The following SLC4A10 variants were observed in gnomAD, a reference collection of about 807,000 sequenced individuals.
SLC4A10 encodes sodium-driven chloride bicarbonate exchanger.
SLC4A10 carries 42 observed loss-of-function variants against 137.7 expected under a neutral mutation model. The ratio of observed to expected loss-of-function variants is 0.30; its 90% CI spans 0.24 to 0.39. The LOEUF (loss-of-function observed/expected upper bound fraction) is 0.39. Ranked by LOEUF, SLC4A10 falls within the 10% of genes least tolerant of loss-of-function variation. The probability of loss-of-function intolerance (pLI) is 1.00; values close to 1 mark genes in which losing one functional copy is unlikely to be tolerated. For synonymous variants in SLC4A10, 474 were observed against 464.1 expected, an observed-to-expected ratio of 1.02 and a Z score of -0.27; for missense variants, 925 against 1,355.0, an observed-to-expected ratio of 0.68 and a Z score of 4.98.
intron 1 of SLC4A10, among the ~76,000 whole-genome samples, chr2:161,718,314 G>C (rs1286953145): frequency 2.6e-5 from 4 of 151,724 alleles, no homozygotes. Flanking sequence ...CTCTGATCTT[G>C]CTTATTTCTT....
chr2:161,633,974 C>G (rs1193422408), intron 1 of SLC4A10, among the ~76,000 whole-genome samples: 4 of 151,724 alleles, frequency 2.6e-5, no homozygotes, highest in African/African-American at 9.7e-5. Flanking sequence ...TTTTCATCCA[C>G]CTTGCCTTAA....
chr2:161,778,292 TC>T (rs2052615394), intron 2 of SLC4A10, among the ~76,000 whole-genome samples: 1 of 151,972 alleles, frequency 6.6e-6, no homozygotes, highest in Admixed American at 6.6e-5. Context: ...CTATCATTTT[TC>T]CCCAGATAAT....
chr2:161,878,722 A>G (rs1473052191), intron 8 of SLC4A10, among the ~76,000 whole-genome samples: 1 of 152,144 alleles, frequency 6.6e-6, no homozygotes, highest in Non-Finnish European at 1.5e-5. Context: ...ACATAAGCAT[A>G]TTTGAGTATC....
chr2:161,633,854 G>T (rs1397925096), intron 1 of SLC4A10, among the ~76,000 whole-genome samples: 1 of 151,532 alleles, frequency 6.6e-6, no homozygotes, highest in Admixed American at 6.6e-5. Flanking sequence ...GGATCATTTG[G>T]AAGGCATCAA....
chr2:161,736,071 CAT>C (rs1389659638), intron 1 of SLC4A10, among the ~76,000 whole-genome samples: 1 of 151,910 alleles, frequency 6.6e-6, no homozygotes, highest in Non-Finnish European at 1.5e-5. Context: ...TACATAGAGA[CAT>C]AGACAAAAAT....
At chr2:161,791,180 A>G (rs1007307610) in intron 2 of SLC4A10, among the ~76,000 whole-genome samples, 2 of 152,214 alleles carry the variant, frequency 1.3e-5, no homozygotes, top group Non-Finnish European at 1.5e-5. Context: ...TGTTCATTGT[A>G]GTGCTATTCA....
intron 19 of SLC4A10, among the ~76,000 whole-genome samples, chr2:161,951,677 T>C (rs1694830553): frequency 6.6e-6 from 1 of 152,102 alleles, no homozygotes; most frequent in South Asian, 2.1e-4. Flanking sequence ...AAAAAATCAT[T>C]GTCAGAGCAA....
chr2:161,947,892 C>T (rs1377352801), intron 17 of SLC4A10, among the ~76,000 whole-genome samples, 165 bp downstream of exon 17: 1 of 152,126 alleles, frequency 6.6e-6, no homozygotes, highest in African/African-American at 2.4e-5. Context: ...GATGCAGGTG[C>T]TGGGAGTGCA....
intron 1 of SLC4A10, among the ~76,000 whole-genome samples, chr2:161,733,519 A>G (rs2047018180): frequency 6.6e-6 from 1 of 152,238 alleles, no homozygotes; most frequent in Non-Finnish European, 1.5e-5. Context: ...GAAGTTTGCT[A>G]CAGGGGCAGG....
chr2:161,775,905 G>T (rs900122733), intron 2 of SLC4A10, among the ~76,000 whole-genome samples: 1 of 151,730 alleles, frequency 6.6e-6, no homozygotes, highest in African/African-American at 2.4e-5. Context: ...ATAAAGAGAA[G>T]AAAATTTAAT....
chr2:161,720,309 A>G (rs2045499521), intron 1 of SLC4A10, among the ~76,000 whole-genome samples: 1 of 152,156 alleles, frequency 6.6e-6, no homozygotes, highest in Non-Finnish European at 1.5e-5. Context: ...CTTGTAGTAT[A>G]GTTTGAAGTC....
At chr2:161,908,432 G>A (rs1163622087) in intron 15 of SLC4A10, among the ~76,000 whole-genome samples, 1 of 110,250 alleles carries the variant, frequency 9.1e-6, no homozygotes, top group Non-Finnish European at 1.7e-5. Context: ...ACTGGGGACT[G>A]TTGTGGGGTG....
intron 1 of SLC4A10, among the ~76,000 whole-genome samples, chr2:161,730,729 T>C (rs1243103347): frequency 2.6e-5 from 4 of 152,144 alleles, no homozygotes; most frequent in African/African-American, 2.4e-5. Context: ...TAATTTCCCA[T>C]TGGAAAATAA....
chr2:161,831,089 G>A (rs180819703), intron 3 of SLC4A10, among the ~76,000 whole-genome samples: 124 of 152,216 alleles, frequency 8.1e-4, no homozygotes, highest in Non-Finnish European at 1.2e-3. Context: ...TCTTAAAGAA[G>A]GCTAATGTAC....
At chr2:161,872,948 A>G (rs1389132528) in intron 7 of SLC4A10, among the ~76,000 whole-genome samples, 1 of 152,166 alleles carries the variant, frequency 6.6e-6, no homozygotes, top group Non-Finnish European at 1.5e-5. Flanking sequence ...TCCTGACCTC[A>G]GGTGATCCGT....
At chr2:161,776,437 A>T (rs1559224433) in intron 2 of SLC4A10, among the ~76,000 whole-genome samples, 1 of 151,986 alleles carries the variant, frequency 6.6e-6, no homozygotes. Flanking sequence ...TAGATAATTC[A>T]TGCAAATGGA....
At chr2:161,723,790 A>C (rs1486943633) in intron 1 of SLC4A10, among the ~76,000 whole-genome samples, 3 of 152,208 alleles carry the variant, frequency 2.0e-5, no homozygotes, top group African/African-American at 7.2e-5. Context: ...ATTTTCAAAA[A>C]ACATTCCAAG....
intron 18 of SLC4A10, among the ~76,000 whole-genome samples, chr2:161,949,917 C>T (rs1462292729): frequency 3.3e-5 from 5 of 151,586 alleles, no homozygotes; most frequent in South Asian, 2.1e-4. Context: ...ATCATGTGAG[C>T]GCTCAAAAGT....
intron 3 of SLC4A10, among the ~76,000 whole-genome samples, chr2:161,838,606 T>C (rs2058970879): frequency 6.6e-6 from 1 of 152,146 alleles, no homozygotes; most frequent in Non-Finnish European, 1.5e-5. Context: ...ATCCAGAATG[T>C]ATAAAGAAGT....
Sources: allele counts gnomAD v4.1 joint callset (sites outside exome capture counted in the v4.1 genomes callset), GRCh38; gene constraint gnomAD v4.1.1; transcripts MANE v1.5; gene names NCBI Gene and HGNC (gene_info 2026-07-23, HGNC 2026-07-21).